FMR1: variants seen among roughly 807,000 people sequenced by gnomAD.
FMR1 encodes the protein FMRP translational regulator 1.
A neutral mutation model predicts 50.6 loss-of-function variants in FMR1; 13 were observed. The ratio of observed to expected loss-of-function variants is 0.26; its 90% CI spans 0.17 to 0.41. The LOEUF is 0.41. Ranked by LOEUF, FMR1 falls within the 10% of genes least tolerant of loss-of-function variation. The pLI, the probability that FMR1 is intolerant of heterozygous loss-of-function variation, is 1.00. For synonymous variants in FMR1, 138 were observed against 164.1 expected (o/e 0.84, Z 1.22); for missense variants, 316 against 491.3 (o/e 0.64, Z 3.37).
chrX:147,928,295 A>T (rs782656674), intron 3 of FMR1, 27 bp from the exon 4 acceptor site: 5 of 1,150,120 alleles, frequency 4.3e-6, no homozygotes, highest in Non-Finnish European at 4.8e-6. Flanking sequence ...TAATCATGAA[A>T]TATTCTGTGT....
At chrX:147,940,717 T>G (rs1324968852) in intron 13 of FMR1, 55 bp downstream of exon 13, 1 of 791,530 alleles carries the variant, frequency 1.3e-6, no homozygotes, top group Non-Finnish European at 1.9e-6. Flanking sequence ...ATATACAAAC[T>G]TTATAGTAGA....
intron 3 of FMR1, among the ~76,000 whole-genome samples, chrX:147,925,869 T>C (rs1236828731): frequency 8.9e-6 from 1 of 112,122 alleles, no homozygotes; most frequent in Non-Finnish European, 1.9e-5. Context: ...CTGCCGCAAG[T>C]TCCTTTGCCC....
chrX:147,929,814 A>G (rs1765972343), intron 5 of FMR1, 134 bp from the exon 6 acceptor site: 2 of 477,952 alleles, frequency 4.2e-6, no homozygotes, highest in Middle Eastern at 5.7e-4. Flanking sequence ...CTAAGCTTCT[A>G]AATGGATATA....
At chrX:147,925,424 T>C (rs12837623) in intron 2 of FMR1, 116 bp from the exon 3 acceptor site, 22 of 586,118 alleles carry the variant, frequency 3.8e-5, no homozygotes, top group Admixed American at 7.1e-5. Flanking sequence ...AAGCTTTTGC[T>C]TCTTGAAACT....
chrX:147,937,968 A>G (rs2043848883), intron 11 of FMR1, 131 bp from the exon 12 acceptor site: 3 of 576,134 alleles, frequency 5.2e-6, no homozygotes, highest in Non-Finnish European at 9.3e-6. Context: ...TTTAGAAACT[A>G]ATTTTCTCTG....
intron 10 of FMR1, among the ~76,000 whole-genome samples, chrX:147,937,091 C>T (rs1019678823): frequency 3.6e-5 from 4 of 111,146 alleles, no homozygotes; most frequent in African/African-American, 1.3e-4. Context: ...TATCTCTTCC[C>T]CATCCTCCTT....
At chrX:147,943,515 C>T (rs1017114877) in intron 14 of FMR1, 189 bp downstream of exon 14, 20 of 444,200 alleles carry the variant, frequency 4.5e-5, no homozygotes, top group South Asian at 3.8e-4. Flanking sequence ...TTCACAGGGC[C>T]GGTGCAAGTT....
At chrX:147,938,186 A>G in intron 12 of FMR1, 25 bp downstream of exon 12, 1 of 1,094,962 alleles carries the variant, frequency 9.1e-7, no homozygotes, top group African/African-American at 1.8e-5. Flanking sequence ...CTTGAGAAAT[A>G]CACTTTCAGT....
intron 2 of FMR1, among the ~76,000 whole-genome samples, chrX:147,924,176 A>G (rs1387640371): frequency 9.0e-6 from 1 of 111,497 alleles, no homozygotes; most frequent in Non-Finnish European, 1.9e-5. Flanking sequence ...TATAACATCT[A>G]TTAGGTGTGT....
chrX:147,921,871 TTAAC>T (rs782671936), intron 1 of FMR1, 58 bp from the exon 2 acceptor site: 120 of 771,418 alleles, frequency 1.6e-4, no homozygotes, highest in South Asian at 1.5e-3. Context: ...ACTGTAAAAT[TTAAC>T]TAAAAACAAA....
chrX:147,943,659 T>C (rs987713844), intron 14 of FMR1: 4 of 241,426 alleles, frequency 1.7e-5, no homozygotes, highest in Non-Finnish European at 3.0e-5. Flanking sequence ...TTTTATTTTG[T>C]CAGGTATGTG....
intron 12 of FMR1, chrX:147,940,299 T>A (rs1488494790): frequency 9.2e-6 from 3 of 327,431 alleles, no homozygotes; most frequent in Non-Finnish European, 1.6e-5. Flanking sequence ...TGTATAATTT[T>A]GAATTATACA....
chrX:147,925,784 T>C, intron 3 of FMR1, 151 bp downstream of exon 3: 2 of 490,445 alleles, frequency 4.1e-6, no homozygotes, highest in South Asian at 5.8e-5. Flanking sequence ...ACTCATCTTA[T>C]TAATAATTCA....
intron 7 of FMR1, 83 bp from the exon 8 acceptor site, chrX:147,932,342 C>G: frequency 1.1e-6 from 1 of 909,784 alleles, no homozygotes; most frequent in Non-Finnish European, 1.6e-6. Flanking sequence ...TATACAGGGT[C>G]AAGATAATTT....
chrX:147,948,876 C>G lies in FMR1; in HGVS notation c.*32C>G, dbSNP rs201939954. 1.0e-3 allele frequency: 1,210 copies of G among 1,184,217 alleles called. 1 individual carries two copies. The highest frequency in any genetic ancestry group is 1.3e-3 in the Non-Finnish European group (1,171 of 871,809). On this transcript the variant is annotated 3_prime_UTR_variant, in exon 17 of 17. Transcript: ENST00000370475. ...TAATTCTGAAGTTATATTTCCTATA[C>G]CATTTCCGTAATTCTTATTCCATAT...
chrX:147,936,483 CTTGA>C lies in FMR1; in HGVS notation c.881-18_881-15del. 9.4e-7 allele frequency: 1 copy of C among 1,066,295 alleles called. No individual in the cohort carries two copies. Among genetic ancestry groups the C allele is most frequent in the East Asian group, 3.0e-5 (1 of 33,060 alleles). The allele number at this position is 1,066,295 out of a possible 1,213,427, so 87.9% of individuals were successfully genotyped here. On this transcript the variant is annotated splice_polypyrimidine_tract_variant and intron_variant, in intron 9 of 16. Coordinates refer to ENST00000370475, the MANE Select transcript of FMR1 (RefSeq NM_002024.6). ...TGAGGTATGTGTTTTTAAAACCAAA[CTTGA>C]TTTATTTATTTCTTAGGCAAAGTAA...
intron 1 of FMR1, among the ~76,000 whole-genome samples, chrX:147,915,374 G>T (rs2124416883): frequency 8.9e-6 from 1 of 111,886 alleles, no homozygotes; most frequent in Admixed American, 9.4e-5. Context: ...CTTGGGTAAA[G>T]TGTAAATAAA....
chrX:147,940,249 T>A (rs2043958582), intron 12 of FMR1: 1 of 246,147 alleles, frequency 4.1e-6, no homozygotes, highest in Non-Finnish European at 7.3e-6. Flanking sequence ...TTAGAGCATC[T>A]TATACTACTC....
intron 1 of FMR1, among the ~76,000 whole-genome samples, chrX:147,915,205 C>T (rs1398711533): frequency 9.0e-6 from 1 of 111,510 alleles, no homozygotes; most frequent in Non-Finnish European, 1.9e-5. Context: ...TGGCAGCTAG[C>T]AGCTAAATAT....
Sources: allele counts gnomAD v4.1 joint callset (sites outside exome capture counted in the v4.1 genomes callset), GRCh38; gene constraint gnomAD v4.1.1; transcripts MANE v1.5; gene names NCBI Gene and HGNC (gene_info 2026-07-23, HGNC 2026-07-21).